Variants in SRFBP1 observed in about 807,000 individuals in gnomAD.
SRFBP1 encodes the protein serum response factor binding protein 1.
Under a neutral mutation model 45.5 loss-of-function variants are expected in SRFBP1, and 47 were observed. The observed-to-expected ratio is 1.03, with a 90% CI of 0.82 to 1.32. The LOEUF is 1.32. Among genes scored for constraint, SRFBP1 ranks in the 40% most tolerant of loss-of-function variants. SRFBP1 has a pLI of 0.00. For synonymous variants in SRFBP1, 203 were observed against 166.3 expected (o/e 1.22, Z -1.70); for missense variants, 621 against 484.6 (o/e 1.28, Z -2.64).
At chr5:122,077,236 T>TG, downstream of SRFBP1, 1 of 1,511,818 alleles carries the variant, frequency 6.6e-7, no homozygotes, top group Non-Finnish European at 8.8e-7. This position sits in a 1 kb window ranked among gnomAD's most constrained non-coding sequence, Gnocchi z 4.9. Context: ...TGCAGGCGCG[T>TG]GGGGGAGGGA....
intron 2 of SRFBP1, among the ~76,000 whole-genome samples, chr5:122,051,304 A>G (rs915305602): frequency 1.1e-4 from 17 of 152,040 alleles, no homozygotes; most frequent in Admixed American, 1.0e-3. Flanking sequence ...GGCCCTGAAT[A>G]TCTTTGTTAT....
At chr5:122,047,681 A>G (rs1206723751) in intron 2 of SRFBP1, among the ~76,000 whole-genome samples, 1 of 152,222 alleles carries the variant, frequency 6.6e-6, no homozygotes, top group Non-Finnish European at 1.5e-5. Context: ...ATCCATGAGC[A>G]TGGAATGTTC....
At chr5:122,073,225 C>G (rs920806850) in intron 2 of SRFBP1, among the ~76,000 whole-genome samples, 42 of 152,110 alleles carry the variant, frequency 2.8e-4, no homozygotes, top group African/African-American at 9.4e-4. Context: ...TGTCCTTTTA[C>G]AAATTAGGGT....
downstream of SRFBP1, chr5:122,078,016 G>A: frequency 7.0e-7 from 1 of 1,438,664 alleles, no homozygotes; most frequent in Non-Finnish European, 9.1e-7. Flanking sequence ...CCCCGCTCGA[G>A]GAGGACGTGG....
intron 1 of SRFBP1, among the ~76,000 whole-genome samples, chr5:121,965,524 C>G (rs536791708): frequency 2.0e-5 from 3 of 152,136 alleles, no homozygotes; most frequent in East Asian, 1.9e-4. Context: ...GTTTCTGAGG[C>G]CTCTGTTCTG....
At chr5:122,057,668 T>C (rs1164743389) in intron 2 of SRFBP1, among the ~76,000 whole-genome samples, 2 of 151,936 alleles carry the variant, frequency 1.3e-5, no homozygotes, top group Non-Finnish European at 2.9e-5. Flanking sequence ...CTGATTTTGA[T>C]AATGAATCTA....
At chr5:122,038,349 T>C (rs756463726) in intron 2 of SRFBP1, among the ~76,000 whole-genome samples, 13 of 152,128 alleles carry the variant, frequency 8.5e-5, no homozygotes, top group Non-Finnish European at 1.3e-4. Context: ...AAAAACGAGA[T>C]TCATGTCATA....
intron 7 of SRFBP1, among the ~76,000 whole-genome samples, chr5:122,022,717 A>G (rs1265861355): frequency 6.6e-6 from 1 of 152,236 alleles, no homozygotes; most frequent in African/African-American, 2.4e-5. Flanking sequence ...TAGTGATCCT[A>G]AACGCTAATG....
At chr5:122,025,060 A>G (rs1753449302) in intron 7 of SRFBP1, among the ~76,000 whole-genome samples, 1 of 152,066 alleles carries the variant, frequency 6.6e-6, no homozygotes, top group Non-Finnish European at 1.5e-5. Flanking sequence ...TGCTGCACCC[A>G]TTAACTCGTC....
chr5:122,018,257 A>G (rs1753226961), intron 4 of SRFBP1, among the ~76,000 whole-genome samples: 1 of 152,218 alleles, frequency 6.6e-6, no homozygotes, highest in Non-Finnish European at 1.5e-5. Flanking sequence ...TGTGTGGAAA[A>G]TTGACTGTTG....
At chr5:121,997,512 A>C (rs1171794598) in intron 4 of SRFBP1, among the ~76,000 whole-genome samples, 2 of 151,842 alleles carry the variant, frequency 1.3e-5, no homozygotes, top group Non-Finnish European at 2.9e-5. Flanking sequence ...ACAAAAATCA[A>C]TTCAAGATGG....
At chr5:122,063,186 A>T (rs1431669051) in intron 2 of SRFBP1, 1 of 151,994 alleles carries the variant, frequency 6.6e-6, no homozygotes, top group Non-Finnish European at 1.5e-5. Context: ...ACAACAAATG[A>T]CTACTATAGA....
chr5:122,077,340 C>A, downstream of SRFBP1: 2 of 1,613,590 alleles, frequency 1.2e-6, no homozygotes, highest in Non-Finnish European at 8.5e-7. The surrounding 1 kb of genome is among the most constrained non-coding windows in gnomAD (Gnocchi z 4.9). Context: ...TTCCAGCGGA[C>A]TTGGGGGTAC....
chr5:122,017,318 G>A (rs1218035874), intron 4 of SRFBP1, among the ~76,000 whole-genome samples: 4 of 152,156 alleles, frequency 2.6e-5, no homozygotes, highest in African/African-American at 9.7e-5. Context: ...ACTTTCTCTG[G>A]AAGCTCCAGA....
At chr5:121,999,352 T>C (rs534055395) in intron 4 of SRFBP1, among the ~76,000 whole-genome samples, 1 of 152,276 alleles carries the variant, frequency 6.6e-6, no homozygotes, top group East Asian at 1.9e-4. Flanking sequence ...ATTTCTATTC[T>C]TTTCAATGTT....
At chr5:122,048,012 C>G (rs986354819) in intron 2 of SRFBP1, among the ~76,000 whole-genome samples, 5 of 152,136 alleles carry the variant, frequency 3.3e-5, no homozygotes, top group East Asian at 3.8e-4. Context: ...TTGACTTTCT[C>G]TTTTCCTAAT....
At chr5:122,020,874 T>G in intron 6 of SRFBP1, 72 bp downstream of exon 6, 1 of 1,313,628 alleles carries the variant, frequency 7.6e-7, no homozygotes, top group Non-Finnish European at 1.0e-6. Flanking sequence ...TACTTGTCCA[T>G]ACATGAAGAG....
rs368629199 is a variant in SRFBP1, at chr5:121,996,163, T to C, written c.270+1493T>C. 2.4e-4 allele frequency among the ~76,000 whole-genome samples: 36 copies of C among 147,852 alleles called. No homozygotes were observed. In the East Asian group the frequency reaches 5.2e-3, roughly 21 times the overall value. On this transcript the variant is annotated intron_variant, in intron 4 of 7. Coordinates refer to ENST00000339397, the MANE Select transcript of SRFBP1 (RefSeq NM_152546.3). ...AGGGAATCCTCCCTAACTCATTTTA[T>C]GAGGCCAGCATCATTCTGATACCAA...
At chr5:122,070,347 G>A (rs1427245527) in intron 2 of SRFBP1, 6 of 649,502 alleles carry the variant, frequency 9.2e-6, no homozygotes, top group Admixed American at 8.5e-5. Context: ...TTTAAAATAA[G>A]ACAGATTAGA....
Sources: gnomAD v4.1 joint callset for allele counts (sites outside exome capture counted in the v4.1 genomes callset) on GRCh38, gnomAD v4.1.1 for gene constraint, Gnocchi (gnomAD v3.1) non-coding constraint, MANE v1.5 for transcripts, NCBI Gene and HGNC (gene_info 2026-07-23, HGNC 2026-07-21) for gene names.